Variants in PTPRS observed in about 807,000 individuals in gnomAD.
The protein encoded by PTPRS is receptor-type tyrosine-protein phosphatase S.
PTPRS carries 63 observed loss-of-function variants against 215.3 expected under a neutral mutation model. That is an observed-to-expected ratio of 0.29 (90% CI 0.24 to 0.36). The LOEUF is 0.36. Ranked by LOEUF, PTPRS falls within the 10% of genes least tolerant of loss-of-function variation. PTPRS has a pLI of 1.00. For missense variants in PTPRS, 2,258 were observed against 2,825.8 expected (o/e 0.80, Z 4.56); for synonymous variants, 1,404 against 1,191.4 (o/e 1.18, Z -3.68).
At position 5,257,549 on chromosome 19, in the gene PTPRS, G is replaced by A. The variant is rs1031866731; in HGVS notation, c.706+468C>T. 1 of 440,824 alleles carries A rather than the reference G, an allele frequency of 2.3e-6. No individual in the cohort carries two copies. The highest frequency in any genetic ancestry group is 4.6e-6 in the Non-Finnish European group (1 of 218,678). The allele number at this position is 440,824 out of a possible 1,614,324, so 27.3% of individuals were successfully genotyped here. A position where few individuals can be genotyped will look rare whatever the true frequency, so the allele number is the denominator to read the frequency against. On this transcript the variant is annotated intron_variant, in intron 8 of 37. Transcript: ENST00000262963. The surrounding 1 kb of genome is among the most constrained non-coding windows in gnomAD (Gnocchi z 4.4). ...TAGATTGAGGGCCCTGGATTAGGGG[G>A]GGCAGTGAAGCGGGGAGCTACGAGG...
At chr19:5,235,888 G>A (rs144192331) in intron 13 of PTPRS, among the ~76,000 whole-genome samples, 48 of 152,298 alleles carry the variant, frequency 3.2e-4, no homozygotes, top group Non-Finnish European at 5.0e-4. Flanking sequence ...TATGTGTTGC[G>A]TGCCTACTAT....
In PTPRS at chr19:5,287,700, G is replaced by A. The variant is rs2048460416; in HGVS notation, c.-94-1466C>T. Among the ~76,000 whole-genome samples the A allele has an allele frequency of 6.6e-6, 1 of 152,196 alleles. No individual in the cohort carries two copies. Among genetic ancestry groups the A allele is most frequent in the Admixed American group, 6.5e-5 (1 of 15,286 alleles). On this transcript the variant is annotated intron_variant, in intron 1 of 37. Transcript: ENST00000262963. This position sits in a 1 kb window ranked among gnomAD's most constrained non-coding sequence, Gnocchi z 4.8. ...CTCGCCCAGCCCTGGGGCGGTCCCAGGGGAAGGATGGGCGGGTAGTGGCCG... is the reference window on the plus strand; with the variant it reads ...CTCGCCCAGCCCTGGGGCGGTCCCAAGGGAAGGATGGGCGGGTAGTGGCCG...
Position 5,210,027 on chromosome 19 carries a change from C to A in PTPRS, c.5487+442G>T, listed in dbSNP as rs966009316. Among the ~76,000 whole-genome samples, 1 of 152,218 alleles carries A rather than the reference C, an allele frequency of 6.6e-6. No individual in the cohort carries two copies. The highest frequency in any genetic ancestry group is 1.5e-5 in the Non-Finnish European group (1 of 68,040). On this transcript the variant is annotated intron_variant, in intron 35 of 37. Transcript: ENST00000262963. The surrounding 1 kb of genome is among the most constrained non-coding windows in gnomAD (Gnocchi z 4.5). ...CTAATACCTGGCCTTTCTCCCTCCA[C>A]CTGACACTGCAGTCCTTCATTGAGC...
chr19:5,225,890 AG>A, intron 16 of PTPRS, 46 bp from the exon 17 acceptor site: 1 of 1,505,970 alleles, frequency 6.6e-7, no homozygotes, highest in Non-Finnish European at 9.2e-7. Flanking sequence ...GGCTGGGAGC[AG>A]CCCCACCCAC....
intron 2 of PTPRS, among the ~76,000 whole-genome samples, chr19:5,282,615 C>T (rs1599929917): frequency 6.6e-6 from 1 of 152,080 alleles, no homozygotes; most frequent in Non-Finnish European, 1.5e-5. Context: ...CCAGCCTGGC[C>T]AACATGGCAA....
Position 5,229,485 on chromosome 19 carries a change from GC to G in PTPRS, c.2349+5del. 7.8e-7 allele frequency: 1 copy of G among 1,287,086 alleles called. No individual in the cohort carries two copies. The allele number at this position is 1,287,086 out of a possible 1,614,324, so 79.7% of individuals were successfully genotyped here. A position where few individuals can be genotyped will look rare whatever the true frequency, so the allele number is the denominator to read the frequency against. On this transcript the variant is annotated splice_donor_5th_base_variant and intron_variant, in intron 15 of 37. Transcript: ENST00000262963. ...GTCCCCGGCCCCGCCCCGGCCCCCC[GC>G]CCACCTGGGCATCGGCCAGCATGAC...
At chr19:5,306,642 A>G (rs868398999) in intron 1 of PTPRS, among the ~76,000 whole-genome samples, 5 of 151,534 alleles carry the variant, frequency 3.3e-5, no homozygotes, top group Non-Finnish European at 4.4e-5. Context: ...TTTTTTCCCA[A>G]CCTCACCCAA....
At position 5,229,517 on chromosome 19, in the gene PTPRS, T is replaced by C; in HGVS notation, c.2323A>G (p.Lys775Glu). 6 of 1,463,744 alleles carry C rather than the reference T, an allele frequency of 4.1e-6. No homozygotes were observed. Among genetic ancestry groups the C allele is most frequent in the Middle Eastern group, 4.7e-4 (2 of 4,224 alleles). 90.7% of individuals were successfully genotyped at this position (1,463,744 alleles called of 1,614,324 possible). A position where few individuals can be genotyped will look rare whatever the true frequency, so the allele number is the denominator to read the frequency against. ...TGGGCATCGGCCAGCATGACGTCCT[T>C]GATGCGCGGCGGCCCGCGGGCCTCG... is the stretch of plus-strand genomic sequence containing the variant. Reference protein sequence around the residue: ...GAEARGPPRIKDVMLADAQWE... With the variant: ...GAEARGPPRIEDVMLADAQWE... Residue 775 changes from lysine (K) to glutamate (E), a missense_variant, in exon 15 of 38, where the codon AAG becomes GAG. Lys to Glu is a moderately conservative substitution (Grantham distance 56). This residue lies in a region of PTPRS where 371 missense variants were observed against 446.7 expected (regional missense o/e 0.83). Transcript: ENST00000262963.
At chr19:5,337,350 G>T (rs545760092) in intron 1 of PTPRS, among the ~76,000 whole-genome samples, 66 of 152,328 alleles carry the variant, frequency 4.3e-4, no homozygotes, top group Non-Finnish European at 8.7e-4. Flanking sequence ...GTGAACGCGG[G>T]GCCACGGGGC....
chr19:5,312,122 G>A (rs1309132243), intron 1 of PTPRS, among the ~76,000 whole-genome samples: 1 of 152,016 alleles, frequency 6.6e-6, no homozygotes, highest in African/African-American at 2.4e-5. Context: ...AACGAGCCCT[G>A]CAACACATCT....
intron 23 of PTPRS, 130 bp from the exon 24 acceptor site, chr19:5,218,928 G>T: frequency 1.0e-6 from 1 of 968,000 alleles, no homozygotes; most frequent in Non-Finnish European, 1.5e-6. Flanking sequence ...GGTCTCCTCT[G>T]GAAAATGGTG....
At chr19:5,227,314 G>C (rs2042587381) in intron 16 of PTPRS, among the ~76,000 whole-genome samples, 1 of 151,958 alleles carries the variant, frequency 6.6e-6, no homozygotes, top group African/African-American at 2.4e-5. Flanking sequence ...GCCTCCCAAA[G>C]TGCTGGGATT....
At chr19:5,233,614 G>A (rs1288132942) in intron 13 of PTPRS, among the ~76,000 whole-genome samples, 1 of 151,610 alleles carries the variant, frequency 6.6e-6, no homozygotes, top group Non-Finnish European at 1.5e-5. Flanking sequence ...CCTACTGTGT[G>A]TCAAGCATTG....
rs1895018792 is a variant in PTPRS at position 5,295,801 on chromosome 19, C to T, written c.-94-9567G>A. ...TGTTGCTCAGGCTGGAGTGCAGTGG[C>T]ACCATCATGGCTCACTCTAGCCTCA... On this transcript the variant is annotated intron_variant, in intron 1 of 37. Transcript: ENST00000262963. This position sits in a 1 kb window ranked among gnomAD's most constrained non-coding sequence, Gnocchi z 4.6. Among the ~76,000 whole-genome samples, 1 of 152,170 alleles carries T rather than the reference C, an allele frequency of 6.6e-6. No individual in the cohort carries two copies. The highest frequency in any genetic ancestry group is 1.5e-5 in the Non-Finnish European group (1 of 68,034).
chr19:5,290,081 G>A (rs1287406062), intron 1 of PTPRS, among the ~76,000 whole-genome samples: 1 of 152,250 alleles, frequency 6.6e-6, no homozygotes, highest in Non-Finnish European at 1.5e-5. Flanking sequence ...GCGAGGCTGA[G>A]CCAGGGCTAG....
At chr19:5,267,527 G>C (rs913691913) in intron 4 of PTPRS, among the ~76,000 whole-genome samples, 1 of 152,034 alleles carries the variant, frequency 6.6e-6, no homozygotes, top group South Asian at 2.1e-4. Context: ...CATGGTGGCG[G>C]ACGCCTGTAA....
intron 1 of PTPRS, among the ~76,000 whole-genome samples, chr19:5,327,969 GCC>G (rs1240004171): frequency 6.6e-6 from 1 of 152,086 alleles, no homozygotes; most frequent in Non-Finnish European, 1.5e-5. Context: ...GACCCTTTGG[GCC>G]TCTCACCTTC....
chr19:5,264,671 T>TGAGCATGGGAGACACTCTCCCCGCCC (rs1200437445), intron 5 of PTPRS, among the ~76,000 whole-genome samples: 3 of 152,186 alleles, frequency 2.0e-5, no homozygotes, highest in Non-Finnish European at 2.9e-5. Context: ...TCTCACTGCC[T>TGAGCATGGGAGACACTCTCCCCGCCC]GAGCATGGGA....
chr19:5,221,456 C>T (rs763657522), intron 19 of PTPRS, among the ~76,000 whole-genome samples: 1 of 151,956 alleles, frequency 6.6e-6, no homozygotes, highest in Non-Finnish European at 1.5e-5. Context: ...ACCCTGACCC[C>T]AGACTGTGCC....
Sources: allele counts gnomAD v4.1 joint callset (sites outside exome capture counted in the v4.1 genomes callset), GRCh38; gene constraint gnomAD v4.1.1; regional missense constraint gnomAD v4.1.1; non-coding constraint Gnocchi (gnomAD v3.1); transcripts MANE v1.5; gene names NCBI Gene and HGNC (gene_info 2026-07-23, HGNC 2026-07-21).